LPP: variants seen among roughly 807,000 people sequenced by gnomAD.
The protein encoded by LPP is lipoma-preferred partner.
In LPP, 38 loss-of-function variants were observed where a neutral mutation model predicts 60.4. The observed-to-expected ratio is 0.63, with a 90% CI of 0.49 to 0.83. The LOEUF is 0.83. Among genes scored for constraint, LPP ranks in the 40% least tolerant of loss-of-function variants. LPP has a pLI of 0.00. For synonymous variants in LPP, 328 were observed against 290.8 expected, an observed-to-expected ratio of 1.13 and a Z score of -1.30; for missense variants, 902 against 783.6, an observed-to-expected ratio of 1.15 and a Z score of -1.80.
In LPP at chr3:188,726,643, T is replaced by C. The variant is rs78547384; in HGVS notation, c.1240+18250T>C. ...ATTGGAGTGGAAGTATTATGGTGAA[T>C]AGTGTGACCGCTATAATTGTGAGGT... On this transcript the variant is annotated intron_variant, in intron 8 of 11. Transcript: ENST00000617246. Among the ~76,000 whole-genome samples, 917 of 152,288 alleles carry C rather than the reference T, an allele frequency of 6.0e-3. 10 individuals carry two copies. Among genetic ancestry groups the C allele is most frequent in the African/African-American group, 0.021 (875 of 41,548 alleles).
intron 8 of LPP, among the ~76,000 whole-genome samples, chr3:188,731,562 C>T (rs902433702): frequency 1.4e-5 from 1 of 71,464 alleles, no homozygotes; most frequent in Non-Finnish European, 3.5e-5. Context: ...TCACTGTGTC[C>T]CCCAGGCTGG....
rs1334196688 is a variant in LPP at position 188,610,783 on chromosome 3, G to T, written c.1113+939G>T. On this transcript the variant is annotated intron_variant, in intron 7 of 11. Coordinates refer to ENST00000617246, the MANE Select transcript of LPP (RefSeq NM_001375462.1). This position sits in a 1 kb window ranked among gnomAD's most constrained non-coding sequence, Gnocchi z 4.4. ...CCATTATGACTAGAGGAACCAATAAGAATAACTTGGAATCGGTGAAAATAG... is the reference window on the plus strand; with the variant it reads ...CCATTATGACTAGAGGAACCAATAATAATAACTTGGAATCGGTGAAAATAG... Among the ~76,000 whole-genome samples the T allele has an allele frequency of 6.6e-6, 1 of 152,066 alleles. No individual in the cohort carries two copies. Among genetic ancestry groups the T allele is most frequent in the Admixed American group, 6.5e-5 (1 of 15,268 alleles).
chr3:188,825,299 G>C (rs1755159641), intron 9 of LPP, among the ~76,000 whole-genome samples: 1 of 151,006 alleles, frequency 6.6e-6, no homozygotes, highest in Admixed American at 6.6e-5. Flanking sequence ...GTGTGTGTGT[G>C]TGTGTGTGTG....
chr3:188,653,251 G>A (rs1852455533), intron 7 of LPP, among the ~76,000 whole-genome samples: 3 of 152,172 alleles, frequency 2.0e-5, no homozygotes, highest in African/African-American at 7.2e-5. Context: ...CTGAAAGGGG[G>A]CATCACAGGA....
chr3:188,578,799 C>G (rs1357789325), intron 6 of LPP, among the ~76,000 whole-genome samples: 1 of 152,120 alleles, frequency 6.6e-6, no homozygotes, highest in Non-Finnish European at 1.5e-5. Flanking sequence ...CTATTACACA[C>G]AACACATTGG....
chr3:188,406,165 C>T lies in LPP; in HGVS notation c.45C>T (p.Pro15=). ...SWLPPKSTGE[P]LGHVPARMET... Reference sequence around the variant, plus strand: ...TGCCACCCAAAAGCACTGGTGAGCCCCTCGGCCATGTGCCTGCACGGATGG... The same window carrying T: ...TGCCACCCAAAAGCACTGGTGAGCCTCTCGGCCATGTGCCTGCACGGATGG... Residue 15 remains proline (P), a synonymous_variant, in exon 4 of 12, where the codon CCC becomes CCT. Transcript: ENST00000617246. 1.2e-6 allele frequency: 2 copies of T among 1,614,156 alleles called. No homozygotes were observed. The highest frequency in any genetic ancestry group is 8.5e-7 in the Non-Finnish European group (1 of 1,179,982).
intron 2 of LPP, among the ~76,000 whole-genome samples, chr3:188,283,932 G>T (rs1743022445): frequency 6.6e-6 from 1 of 151,890 alleles, no homozygotes; most frequent in Non-Finnish European, 1.5e-5. Flanking sequence ...AGCCGAGATT[G>T]CGCCACGGCA....
chr3:188,203,575 TTAAATATATATATA>T (rs1732180239), intron 1 of LPP, among the ~76,000 whole-genome samples: 1 of 99,224 alleles, frequency 1.0e-5, no homozygotes, highest in African/African-American at 4.0e-5. Context: ...AAATATATAT[TTAAATATATATATA>T]TTTAAATATA....
At chr3:188,669,782 T>C (rs940009378) in intron 7 of LPP, among the ~76,000 whole-genome samples, 3 of 135,690 alleles carry the variant, frequency 2.2e-5, no homozygotes, top group South Asian at 2.1e-4. Context: ...TAAATCATGC[T>C]ACTATAAAGA....
intron 5 of LPP, among the ~76,000 whole-genome samples, chr3:188,488,706 G>C (rs929184745): frequency 6.6e-6 from 1 of 151,910 alleles, no homozygotes; most frequent in Admixed American, 6.6e-5. Context: ...GCGGGATCTT[G>C]GCTCACTGCA....
At chr3:188,688,856 G>A in intron 7 of LPP, 1 of 522,978 alleles carries the variant, frequency 1.9e-6, no homozygotes, top group Non-Finnish European at 3.9e-6. Context: ...AGCTCCTGGA[G>A]GGCAGGCACT....
chr3:188,699,928 A>G (rs1864043299), intron 7 of LPP, among the ~76,000 whole-genome samples: 1 of 152,234 alleles, frequency 6.6e-6, no homozygotes, highest in Admixed American at 6.5e-5. Flanking sequence ...CAGACTTGAC[A>G]CAGCTAAATA....
intron 6 of LPP, among the ~76,000 whole-genome samples, chr3:188,592,724 T>C (rs1278689972): frequency 6.6e-6 from 1 of 151,736 alleles, no homozygotes; most frequent in Non-Finnish European, 1.5e-5. Context: ...ATATTTTTAG[T>C]AGAGACAGGG....
chr3:188,521,172 A>G (rs560406980), intron 5 of LPP, among the ~76,000 whole-genome samples: 9 of 152,180 alleles, frequency 5.9e-5, no homozygotes, highest in Non-Finnish European at 1.2e-4. Context: ...TATTTGCACA[A>G]TCTTCTCCCC....
chr3:188,640,967 G>A (rs181738744), intron 7 of LPP, among the ~76,000 whole-genome samples: 4 of 152,348 alleles, frequency 2.6e-5, no homozygotes, highest in South Asian at 2.1e-4. Flanking sequence ...TTAGAATGAT[G>A]TGAGTGCACA....
intron 2 of LPP, among the ~76,000 whole-genome samples, chr3:188,301,474 TA>T (rs545092902): frequency 1.4e-4 from 21 of 152,320 alleles, no homozygotes; most frequent in African/African-American, 5.1e-4. Flanking sequence ...TGGAGACTGT[TA>T]TTTTAAGGAA....
intron 2 of LPP, among the ~76,000 whole-genome samples, chr3:188,282,315 C>T (rs1742390786): frequency 6.6e-6 from 1 of 152,068 alleles, no homozygotes; most frequent in South Asian, 2.1e-4. Context: ...TTTCTGGGTC[C>T]ACTGTTGCTT....
intron 9 of LPP, among the ~76,000 whole-genome samples, chr3:188,765,861 C>CCTTTT (rs1560175678): frequency 1.1e-5 from 1 of 92,618 alleles, no homozygotes. Flanking sequence ...ATGTTCAACT[C>CCTTTT]TTTTTTTTTT....
At chr3:188,519,815 A>G (rs993105259) in intron 5 of LPP, among the ~76,000 whole-genome samples, 8 of 152,162 alleles carry the variant, frequency 5.3e-5, no homozygotes, top group Non-Finnish European at 1.5e-5. Context: ...TAGTTGTTCA[A>G]CTTCTCTGTG....
Sources: allele counts gnomAD v4.1 joint callset (sites outside exome capture counted in the v4.1 genomes callset), GRCh38; gene constraint gnomAD v4.1.1; non-coding constraint Gnocchi (gnomAD v3.1); transcripts MANE v1.5; gene names NCBI Gene and HGNC (gene_info 2026-07-23, HGNC 2026-07-21).